Variants in SLC16A1 observed in about 807,000 individuals in gnomAD.
SLC16A1 encodes monocarboxylate transporter 1.
In SLC16A1, 11 loss-of-function variants were observed where a neutral mutation model predicts 32.2. The observed-to-expected ratio is 0.34, with a 90% CI of 0.21 to 0.56. The LOEUF is 0.56. Among genes scored for constraint, SLC16A1 ranks in the 20% least tolerant of loss-of-function variants. The pLI is 0.87. For synonymous variants in SLC16A1, 231 were observed against 226.8 expected, an observed-to-expected ratio of 1.02 and a Z score of -0.17; for missense variants, 435 against 615.0, an observed-to-expected ratio of 0.71 and a Z score of 3.10.
intron 2 of SLC16A1, among the ~76,000 whole-genome samples, chr1:112,927,119 C>CAA (rs761951516): frequency 1.8e-3 from 106 of 57,578 alleles, no homozygotes; most frequent in African/African-American, 5.3e-3. Flanking sequence ...GACCCTGTGT[C>CAA]AAAAAAAAAA....
chr1:112,948,230 G>T (rs905871951), intron 1 of SLC16A1, among the ~76,000 whole-genome samples: 10 of 151,740 alleles, frequency 6.6e-5, no homozygotes, highest in African/African-American at 2.4e-4. Flanking sequence ...CGGGGGCGGC[G>T]GGGGAGAAAA....
chr1:112,937,078 T>C (rs112466777), intron 1 of SLC16A1, among the ~76,000 whole-genome samples: 1 of 152,016 alleles, frequency 6.6e-6, no homozygotes, highest in African/African-American at 2.4e-5. Context: ...TTCTTCTAAG[T>C]ATGAAAAAAG....
chr1:112,914,130 T>C lies in SLC16A1; in HGVS notation c.1264A>G (p.Thr422Ala). The stretch of plus-strand genomic sequence containing the variant: ...AGGACGACGCCACATGCCCAGTATG[T>C]GTATTTGTAGTCTCCATACATGTCA... ...LNDMYGDYKY[T>A]YWACGVVLII... Residue 422 changes from threonine to alanine, a missense_variant, in exon 5 of 5, where the codon ACA becomes GCA. Thr to Ala is a moderately conservative substitution (Grantham distance 58, BLOSUM62 0). This residue lies in a region of SLC16A1 where 111 missense variants were observed against 114.7 expected (regional missense o/e 0.97). Coordinates refer to ENST00000369626, the MANE Select transcript of SLC16A1 (RefSeq NM_003051.4). 1 of 1,614,220 alleles carries C rather than the reference T, an allele frequency of 6.2e-7. No individual in the cohort carries two copies. Among genetic ancestry groups the C allele is most frequent in the Non-Finnish European group, 8.5e-7 (1 of 1,180,034 alleles).
chr1:112,919,832 C>T (rs950787593), intron 3 of SLC16A1, among the ~76,000 whole-genome samples: 4 of 152,206 alleles, frequency 2.6e-5, no homozygotes, highest in Non-Finnish European at 5.9e-5. Flanking sequence ...AAAGTTGATT[C>T]TTCAGTGAGC....
intron 1 of SLC16A1, among the ~76,000 whole-genome samples, chr1:112,954,668 GCTC>G (rs1440617498): frequency 1.3e-5 from 2 of 152,060 alleles, no homozygotes; most frequent in Admixed American, 6.6e-5. Context: ...CTTACAAAAT[GCTC>G]CTCAGATCAT....
intron 1 of SLC16A1, among the ~76,000 whole-genome samples, chr1:112,939,275 T>C (rs1485167485): frequency 6.6e-6 from 1 of 152,124 alleles, no homozygotes; most frequent in East Asian, 1.9e-4. Context: ...TGTACACTGT[T>C]GGAGGGAATA....
chr1:112,942,728 A>G (rs1181719489), intron 1 of SLC16A1, among the ~76,000 whole-genome samples: 1 of 152,240 alleles, frequency 6.6e-6, no homozygotes. Context: ...TTTACTGGGC[A>G]TATGTTGATA....
rs1327566725 is a variant in SLC16A1, at chr1:112,913,891, T to A, written c.1503A>T (p.Ter501CysextTer7). Residue 501 changes from the stop codon to cysteine (C), a stop_lost, in exon 5 of 5, where the codon TGA (stop) becomes TGT (cysteine). Transcript: ENST00000369626. The part of the protein sequence containing the change: ...GGPKEEESPV[*>C] ...CAATTTACCCTTCAGCCCCATGGAT[T>A]CAGACTGGACTTTCCTCCTCCTTGG... 6.2e-7 allele frequency: 1 copy of A among 1,614,204 alleles called. No homozygotes were observed. Among genetic ancestry groups the A allele is most frequent in the Non-Finnish European group, 8.5e-7 (1 of 1,180,024 alleles).
intron 1 of SLC16A1, among the ~76,000 whole-genome samples, chr1:112,953,706 GA>G (rs1256198192): frequency 7.9e-5 from 12 of 152,094 alleles, no homozygotes; most frequent in Admixed American, 7.9e-4. Context: ...CTGTACTCTT[GA>G]GTGTAGCTTC....
chr1:112,917,021 T>A lies in SLC16A1; in HGVS notation c.1228+157A>T. 1 of 915,014 alleles carries A rather than the reference T, an allele frequency of 1.1e-6. No individual in the cohort carries two copies. Among genetic ancestry groups the A allele is most frequent in the Non-Finnish European group, 1.7e-6 (1 of 580,552 alleles). The allele number at this position is 915,014 out of a possible 1,614,324, so 56.7% of individuals were successfully genotyped here. On this transcript the variant is annotated intron_variant, in intron 4 of 4. Transcript: ENST00000369626. This position sits in a 1 kb window ranked among gnomAD's most constrained non-coding sequence, Gnocchi z 4.1. ...TTAATTAGATTCTATATTTGAGCAATTATGCTGTGCCAAGCATTGTCCCAG... is the reference window on the plus strand; with the variant it reads ...TTAATTAGATTCTATATTTGAGCAAATATGCTGTGCCAAGCATTGTCCCAG...
chr1:112,940,917 C>T (rs1007635787), intron 1 of SLC16A1, among the ~76,000 whole-genome samples: 2 of 152,056 alleles, frequency 1.3e-5, no homozygotes, highest in Non-Finnish European at 2.9e-5. Context: ...AGATGGTGGC[C>T]ATTATCCTAA....
chr1:112,949,291 C>G (rs188952633), intron 1 of SLC16A1, among the ~76,000 whole-genome samples: 1 of 152,090 alleles, frequency 6.6e-6, no homozygotes, highest in African/African-American at 2.4e-5. Flanking sequence ...TCAGGTGATC[C>G]ACTCACCTCG....
Position 112,936,764 on chromosome 1 carries a change from T to C in SLC16A1, c.-44-7412A>G, listed in dbSNP as rs1435510745. Among the ~76,000 whole-genome samples the C allele has an allele frequency of 4.6e-5, 7 of 152,096 alleles. 1 individual carries two copies. The highest frequency in any genetic ancestry group is 4.6e-4 in the Admixed American group (7 of 15,272). On this transcript the variant is annotated intron_variant, in intron 1 of 4. Transcript: ENST00000369626. Reference sequence around the variant, plus strand: ...CAAGTTGGAAAAGAAAAAGTAGAGATCAGGCATCCATTCTCAAGAGGTAAT... The same window carrying C: ...CAAGTTGGAAAAGAAAAAGTAGAGACCAGGCATCCATTCTCAAGAGGTAAT...
intron 1 of SLC16A1, among the ~76,000 whole-genome samples, chr1:112,931,266 A>G (rs1191132202): frequency 1.3e-5 from 2 of 152,106 alleles, no homozygotes. Flanking sequence ...GATTCAAGGT[A>G]TTTTTCCGCA....
chr1:112,931,114 C>T (rs1046221014), intron 1 of SLC16A1, among the ~76,000 whole-genome samples: 14 of 151,962 alleles, frequency 9.2e-5, no homozygotes, highest in Non-Finnish European at 1.5e-5. Context: ...TTATGGCTGA[C>T]TTAACATACT....
Position 112,913,937 on chromosome 1 carries a change from T to C in SLC16A1, c.1457A>G (p.Gln486Arg). The change falls in exon 5 of 5, where the codon CAG becomes CGG. Residue 486 changes from glutamine (Q) to arginine (R), a missense_variant. Transcript: ENST00000369626. ...EVTKAAESPD[Q>R]KDTDGGPKEE... Reference sequence around the variant, plus strand: ...CTTGGGCCCTCCATCTGTGTCTTTCTGGTCCGGAGATTCTGCTGCTTTGGT... The same window carrying C: ...CTTGGGCCCTCCATCTGTGTCTTTCCGGTCCGGAGATTCTGCTGCTTTGGT... 6.2e-7 allele frequency: 1 copy of C among 1,614,196 alleles called. No homozygotes were observed. Among genetic ancestry groups the C allele is most frequent in the Non-Finnish European group, 8.5e-7 (1 of 1,180,028 alleles).
chr1:112,944,108 T>A (rs890999801), intron 1 of SLC16A1, among the ~76,000 whole-genome samples: 4 of 152,180 alleles, frequency 2.6e-5, no homozygotes, highest in African/African-American at 9.7e-5. Context: ...GCTCTTTCCA[T>A]ATAACTATGT....
intron 1 of SLC16A1, among the ~76,000 whole-genome samples, chr1:112,940,343 T>C (rs898081685): frequency 3.7e-4 from 56 of 152,194 alleles, no homozygotes; most frequent in African/African-American, 1.4e-3. Flanking sequence ...GCCCGGCTGA[T>C]AGTTTCATGA....
intron 1 of SLC16A1, among the ~76,000 whole-genome samples, chr1:112,944,026 A>G (rs1167381516): frequency 6.6e-6 from 1 of 152,208 alleles, no homozygotes; most frequent in Non-Finnish European, 1.5e-5. Flanking sequence ...AAACAAATTA[A>G]TTAAATAAAT....
Sources: gnomAD v4.1 joint callset for allele counts (sites outside exome capture counted in the v4.1 genomes callset) on GRCh38, gnomAD v4.1.1 for gene constraint, gnomAD v4.1.1 regional missense constraint, Gnocchi (gnomAD v3.1) non-coding constraint, MANE v1.5 for transcripts, NCBI Gene and HGNC (gene_info 2026-07-23, HGNC 2026-07-21) for gene names.